RORA: variants seen among roughly 807,000 people sequenced by gnomAD.
RORA encodes RAR related orphan receptor A.
Under a neutral mutation model 69.5 loss-of-function variants are expected in RORA, and 7 were observed. The observed-to-expected ratio is 0.10, with a 90% CI of 0.06 to 0.19. The LOEUF is 0.19. RORA is among the 10% of genes least tolerant of loss of function. RORA has a pLI of 1.00. For missense variants in RORA, 457 were observed against 663.0 expected (o/e 0.69, Z 3.41); for synonymous variants, 261 against 240.8 (o/e 1.08, Z -0.78).
chr15:61,002,849 G>A (rs989909191), intron 1 of RORA, among the ~76,000 whole-genome samples: 3 of 151,968 alleles, frequency 2.0e-5, no homozygotes, highest in Admixed American at 6.6e-5. Flanking sequence ...CAAGGACATA[G>A]GGCCGGGCAT....
chr15:60,686,451 A>G (rs2070750054), intron 1 of RORA, among the ~76,000 whole-genome samples: 1 of 152,154 alleles, frequency 6.6e-6, no homozygotes, highest in Non-Finnish European at 1.5e-5. Flanking sequence ...TTTCAAATTG[A>G]TTTCCTTTTA....
At chr15:60,877,926 C>A (rs1291780164) in intron 1 of RORA, among the ~76,000 whole-genome samples, 2 of 152,228 alleles carry the variant, frequency 1.3e-5, no homozygotes, top group Non-Finnish European at 2.9e-5. Flanking sequence ...CTATTCAAGG[C>A]AAACTAACTG....
At position 61,180,041 on chromosome 15, in the gene RORA, G is replaced by A. The variant is rs145818286; in HGVS notation, c.166+49012C>T. Among the ~76,000 whole-genome samples, 777 of 150,922 alleles carry A rather than the reference G, an allele frequency of 5.1e-3. 13 individuals carry two copies. Among genetic ancestry groups the A allele is most frequent in the Admixed American group, 0.011 (174 of 15,180 alleles). The stretch of plus-strand genomic sequence containing the variant: ...TGCCTGTAGTCCCAGCTACCGAGGA[G>A]GCTGTGGCACGAGAATCACTTGAAC... On this transcript the variant is annotated intron_variant, in intron 1 of 10. Coordinates refer to ENST00000335670, the MANE Select transcript of RORA (RefSeq NM_134261.3).
intron 3 of RORA, among the ~76,000 whole-genome samples, chr15:60,518,273 ATTAAG>A (rs746528334): frequency 4.6e-5 from 7 of 152,252 alleles, no homozygotes; most frequent in African/African-American, 1.7e-4. Flanking sequence ...GCATACATAC[ATTAAG>A]TTAACTTCCA....
intron 1 of RORA, among the ~76,000 whole-genome samples, chr15:61,107,256 A>G (rs1401605841): frequency 1.3e-5 from 2 of 152,094 alleles, no homozygotes; most frequent in Admixed American, 1.3e-4. Flanking sequence ...ATTTGAACAA[A>G]CTCACAAAGG....
intron 1 of RORA, among the ~76,000 whole-genome samples, chr15:60,979,284 T>TAA (rs1169115969): frequency 7.1e-6 from 1 of 140,116 alleles, no homozygotes. Flanking sequence ...TTTTTTTTTT[T>TAA]TTTTTTTCCA....
At chr15:60,805,540 T>C (rs1429534012) in intron 1 of RORA, among the ~76,000 whole-genome samples, 1 of 152,204 alleles carries the variant, frequency 6.6e-6, no homozygotes, top group African/African-American at 2.4e-5. Context: ...GTCCTATATG[T>C]AGGATAGAAT....
chr15:60,709,872 T>C (rs923032639), intron 1 of RORA, among the ~76,000 whole-genome samples: 2 of 152,088 alleles, frequency 1.3e-5, no homozygotes, highest in East Asian at 1.9e-4. Context: ...TGTGGAAAAA[T>C]TGTCTTCCAT....
intron 1 of RORA, among the ~76,000 whole-genome samples, chr15:60,918,508 A>T (rs1891945497): frequency 1.3e-5 from 2 of 152,230 alleles, no homozygotes; most frequent in South Asian, 4.1e-4. Context: ...TGGAATTGCC[A>T]TGTAGAAACT....
intron 1 of RORA, among the ~76,000 whole-genome samples, chr15:61,178,348 G>A (rs541313276): frequency 3.0e-4 from 45 of 152,174 alleles, no homozygotes; most frequent in Non-Finnish European, 6.0e-4. Flanking sequence ...TGAATTATTC[G>A]GATCCAAGGA....
intron 1 of RORA, among the ~76,000 whole-genome samples, chr15:60,792,228 T>C (rs995890538): frequency 2.6e-5 from 4 of 152,120 alleles, no homozygotes; most frequent in Admixed American, 6.5e-5. Context: ...GACTTGAAGA[T>C]GAATTAATAG....
intron 1 of RORA, among the ~76,000 whole-genome samples, chr15:61,107,597 G>C (rs1367176496): frequency 6.6e-6 from 1 of 151,356 alleles, no homozygotes; most frequent in Non-Finnish European, 1.5e-5. Flanking sequence ...ACAACCTCAA[G>C]CACTCTGGAA....
intron 1 of RORA, among the ~76,000 whole-genome samples, chr15:61,059,985 AGAG>A (rs796731806): frequency 0.023 from 2,787 of 120,134 alleles, 38 homozygotes; most frequent in Admixed American, 0.042. Flanking sequence ...AGGAAGAGGA[AGAG>A]GAAGAAGAAG....
rs2066610576 is a variant in RORA at position 60,534,178 on chromosome 15, T to G, written c.197-2327A>C. On this transcript the variant is annotated intron_variant, in intron 2 of 10. Transcript: ENST00000335670. The surrounding 1 kb of genome is among the most constrained non-coding windows in gnomAD (Gnocchi z 5.0). ...ACGATGTTTAAGGCTGTGACCAAGATGCCTGCCTGGCACGGAGGTCTGCTC... is the reference window on the plus strand; with the variant it reads ...ACGATGTTTAAGGCTGTGACCAAGAGGCCTGCCTGGCACGGAGGTCTGCTC... Among the ~76,000 whole-genome samples the G allele has an allele frequency of 6.6e-6, 1 of 152,200 alleles. No individual in the cohort carries two copies. The highest frequency in any genetic ancestry group is 1.5e-5 in the Non-Finnish European group (1 of 68,032).
At chr15:60,744,156 A>C (rs749758823) in intron 1 of RORA, among the ~76,000 whole-genome samples, 22 of 150,612 alleles carry the variant, frequency 1.5e-4, no homozygotes, top group Non-Finnish European at 2.8e-4. Flanking sequence ...TTTTGAGGAG[A>C]TAGATAGATA....
chr15:60,787,134 G>A (rs1438360119), intron 1 of RORA, among the ~76,000 whole-genome samples: 1 of 152,220 alleles, frequency 6.6e-6, no homozygotes, highest in Non-Finnish European at 1.5e-5. Context: ...TGTAGTCCAT[G>A]GAAAGAGATC....
At chr15:60,995,736 G>T (rs1403741) in intron 1 of RORA, among the ~76,000 whole-genome samples, 18 of 152,124 alleles carry the variant, frequency 1.2e-4, no homozygotes, top group African/African-American at 4.3e-4. Context: ...GACAGTGAAG[G>T]CTTCTTTGTA....
intron 1 of RORA, among the ~76,000 whole-genome samples, chr15:61,044,243 C>G (rs7172342): frequency 0.27 from 40,515 of 152,120 alleles, 6,590 homozygotes; most frequent in East Asian, 0.53. Context: ...TCATGCCTTT[C>G]AGACTGCTCC....
At chr15:61,215,474 G>A (rs932953885) in intron 1 of RORA, among the ~76,000 whole-genome samples, 4 of 152,188 alleles carry the variant, frequency 2.6e-5, no homozygotes, top group Admixed American at 6.5e-5. Flanking sequence ...TGAAACAAAC[G>A]TAGAAAGCCT....
Sources: gnomAD v4.1 joint callset for allele counts (sites outside exome capture counted in the v4.1 genomes callset) on GRCh38, gnomAD v4.1.1 for gene constraint, Gnocchi (gnomAD v3.1) non-coding constraint, MANE v1.5 for transcripts, NCBI Gene and HGNC (gene_info 2026-07-23, HGNC 2026-07-21) for gene names.